LRMDA: variants seen among roughly 807,000 people sequenced by gnomAD.
The protein encoded by LRMDA is leucine rich melanocyte differentiation associated, also known as leucine-rich melanocyte differentiation-associated protein.
Under a neutral mutation model 29.8 loss-of-function variants are expected in LRMDA, and 18 were observed. The observed-to-expected ratio is 0.60, with a 90% CI of 0.42 to 0.90. The LOEUF is 0.90. LRMDA is among the 40% of genes least tolerant of loss of function. LRMDA has a pLI of 0.00. For missense variants in LRMDA, 273 were observed against 273.9 expected (o/e 1.00, Z 0.02); for synonymous variants, 125 against 109.4 (o/e 1.14, Z -0.89).
chr10:76,179,056 C>T (rs1330293916), intron 5 of LRMDA, among the ~76,000 whole-genome samples: 3 of 152,218 alleles, frequency 2.0e-5, no homozygotes, highest in Non-Finnish European at 4.4e-5. Flanking sequence ...TTTCCTTAGA[C>T]TTGTAAGAAC....
At chr10:75,724,314 A>G (rs1378893874) in intron 2 of LRMDA, among the ~76,000 whole-genome samples, 1 of 152,270 alleles carries the variant, frequency 6.6e-6, no homozygotes, top group Non-Finnish European at 1.5e-5. Flanking sequence ...ACAGAGTGCC[A>G]GCAAAACAGG....
intron 2 of LRMDA, among the ~76,000 whole-genome samples, chr10:75,693,560 A>G (rs1842196918): frequency 6.6e-6 from 1 of 152,260 alleles, no homozygotes. Flanking sequence ...CTATTTGTGT[A>G]ATAGGCAATC....
At chr10:76,040,568 CTT>C (rs141505997) in intron 3 of LRMDA, among the ~76,000 whole-genome samples, 1,930 of 152,036 alleles carry the variant, frequency 0.013, 36 homozygotes, top group East Asian at 0.08. Context: ...TGCTCACACT[CTT>C]TCTCTCTCTC....
intron 6 of LRMDA, among the ~76,000 whole-genome samples, chr10:76,553,705 T>C (rs961589354): frequency 6.6e-6 from 1 of 152,170 alleles, no homozygotes; most frequent in Non-Finnish European, 1.5e-5. Context: ...AAGTCACATA[T>C]TGGGGGTAAT....
chr10:76,229,779 G>T (rs766607990), intron 5 of LRMDA, among the ~76,000 whole-genome samples: 1 of 152,080 alleles, frequency 6.6e-6, no homozygotes, highest in Non-Finnish European at 1.5e-5. Context: ...GGGAGTTGGT[G>T]GCATCCTTTT....
At chr10:76,271,773 A>G (rs1471346509) in intron 5 of LRMDA, among the ~76,000 whole-genome samples, 1 of 152,202 alleles carries the variant, frequency 6.6e-6, no homozygotes, top group Non-Finnish European at 1.5e-5. Context: ...ATCTTTCTCC[A>G]TCTCACTTAT....
rs1843134969 is a variant in LRMDA at position 75,764,411 on chromosome 10, C to G, written c.132-271597C>G. On this transcript the variant is annotated intron_variant, in intron 2 of 6. Coordinates refer to ENST00000611255, the MANE Select transcript of LRMDA (RefSeq NM_001305581.2). ...GTCTTTATGCAAAACAGCCTGTTCC[C>G]AGCAAGTGAGTGAGTTCATAGAGCC... Among the ~76,000 whole-genome samples the G allele has an allele frequency of 3.3e-5, 5 of 152,188 alleles. No individual in the cohort carries two copies. In the South Asian group the frequency reaches 1.0e-3, roughly 31 times the overall value.
intron 2 of LRMDA, among the ~76,000 whole-genome samples, chr10:75,798,193 G>T (rs1234758473): frequency 6.6e-6 from 1 of 151,708 alleles, no homozygotes; most frequent in African/African-American, 2.4e-5. Flanking sequence ...AGTGTTCCTT[G>T]CATTTTTGTG....
At chr10:75,535,802 C>T (rs935426426) in intron 2 of LRMDA, among the ~76,000 whole-genome samples, 3 of 152,162 alleles carry the variant, frequency 2.0e-5, no homozygotes, top group African/African-American at 7.2e-5. Flanking sequence ...TTCCGGATGC[C>T]CCCTGCCCTG....
intron 5 of LRMDA, among the ~76,000 whole-genome samples, chr10:76,214,180 A>C (rs983834796): frequency 6.6e-6 from 1 of 152,132 alleles, no homozygotes; most frequent in Non-Finnish European, 1.5e-5. Context: ...GGGTTGGGAA[A>C]ACGGAGTTCC....
chr10:75,710,544 A>AT (rs1842423452), intron 2 of LRMDA, among the ~76,000 whole-genome samples: 1 of 152,318 alleles, frequency 6.6e-6, no homozygotes, highest in South Asian at 2.1e-4. Context: ...TTGCTGTCTA[A>AT]TTAGAGATGT....
chr10:75,655,526 G>A (rs999454545), intron 2 of LRMDA, among the ~76,000 whole-genome samples: 8 of 152,190 alleles, frequency 5.3e-5, no homozygotes, highest in Admixed American at 2.0e-4. Context: ...ATCATTTGTG[G>A]TGTCCTGAGA....
intron 5 of LRMDA, among the ~76,000 whole-genome samples, chr10:76,086,891 G>C (rs1486491168): frequency 6.6e-6 from 1 of 152,182 alleles, no homozygotes; most frequent in Non-Finnish European, 1.5e-5. Flanking sequence ...AGAAAAAAGG[G>C]CTGAGTGGGT....
chr10:76,294,991 T>C (rs1465982710), intron 5 of LRMDA, among the ~76,000 whole-genome samples: 2 of 152,162 alleles, frequency 1.3e-5, no homozygotes, highest in African/African-American at 2.4e-5. Flanking sequence ...CTAATGGGGA[T>C]CTTCAGGAGA....
chr10:76,340,847 G>A lies in LRMDA; in HGVS notation c.601+16362G>A, dbSNP rs77479129. 9.8e-3 allele frequency among the ~76,000 whole-genome samples: 1,488 copies of A among 152,268 alleles called. 21 individuals are homozygous for A. Among genetic ancestry groups the A allele is most frequent in the Non-Finnish European group, 0.015 (1,029 of 68,026 alleles). ...GTCAATATTATGACTTAGACCAGGA[G>A]TAGGCAAACTTTTTCTGTTAAGGAG... On this transcript the variant is annotated intron_variant, in intron 6 of 6. Transcript: ENST00000611255.
chr10:76,058,922 G>T, intron 5 of LRMDA, 139 bp downstream of exon 5: 2 of 693,584 alleles, frequency 2.9e-6, no homozygotes, highest in East Asian at 5.5e-5. Context: ...TGGATACATT[G>T]TTGGCCAAAC....
intron 2 of LRMDA, among the ~76,000 whole-genome samples, chr10:75,547,825 T>G (rs187480887): frequency 2.0e-5 from 3 of 152,242 alleles, no homozygotes; most frequent in Admixed American, 2.0e-4. Context: ...AGAAACCTGG[T>G]CTGTGATCAC....
At chr10:75,589,747 G>A (rs1368965648) in intron 2 of LRMDA, among the ~76,000 whole-genome samples, 2 of 145,860 alleles carry the variant, frequency 1.4e-5, no homozygotes. Flanking sequence ...CTGGGAGATA[G>A]AGACCCTGTC....
At chr10:76,326,938 A>G (rs1005532638) in intron 6 of LRMDA, among the ~76,000 whole-genome samples, 4 of 151,242 alleles carry the variant, frequency 2.6e-5, no homozygotes, top group African/African-American at 9.7e-5. Context: ...AGTTATGTTG[A>G]TTTTCTTCTT....
Sources: allele counts gnomAD v4.1 joint callset (sites outside exome capture counted in the v4.1 genomes callset), GRCh38; gene constraint gnomAD v4.1.1; transcripts MANE v1.5; gene names NCBI Gene and HGNC (gene_info 2026-07-23, HGNC 2026-07-21).